Variants in ARHGAP15 observed in about 807,000 individuals in gnomAD.
ARHGAP15 encodes rho GTPase-activating protein 15.
ARHGAP15 carries 51 observed loss-of-function variants against 63.7 expected under a neutral mutation model. The observed-to-expected ratio is 0.80, with a 90% CI of 0.64 to 1.01. The LOEUF is 1.01. ARHGAP15 is among the 50% of genes least tolerant of loss of function. The pLI is 0.00. For synonymous variants in ARHGAP15, 191 were observed against 193.8 expected, an observed-to-expected ratio of 0.99 and a Z score of 0.12; for missense variants, 560 against 564.6, an observed-to-expected ratio of 0.99 and a Z score of 0.08.
At chr2:143,661,946 G>A (rs1681816836) in intron 12 of ARHGAP15, among the ~76,000 whole-genome samples, 1 of 152,238 alleles carries the variant, frequency 6.6e-6, no homozygotes, top group Non-Finnish European at 1.5e-5. Flanking sequence ...CTGATTGCTA[G>A]CACAGCAGTC....
At chr2:143,499,632 T>G (rs1375326487) in intron 9 of ARHGAP15, among the ~76,000 whole-genome samples, 1 of 152,158 alleles carries the variant, frequency 6.6e-6, no homozygotes, top group Non-Finnish European at 1.5e-5. Flanking sequence ...AGGGAACATT[T>G]AAAGTTAAGT....
At chr2:143,131,245 T>A (rs1424837587) in intron 1 of ARHGAP15, among the ~76,000 whole-genome samples, 1 of 152,208 alleles carries the variant, frequency 6.6e-6, no homozygotes, top group Non-Finnish European at 1.5e-5. Context: ...CAGAATTGTT[T>A]GTAAAGAGCA....
At chr2:143,660,013 T>A (rs1206766772) in intron 12 of ARHGAP15, among the ~76,000 whole-genome samples, 1 of 152,188 alleles carries the variant, frequency 6.6e-6, no homozygotes, top group Non-Finnish European at 1.5e-5. Flanking sequence ...TTGTTCCTAA[T>A]CTGTGGGTAG....
At chr2:143,433,702 A>G (rs1689484275) in intron 6 of ARHGAP15, among the ~76,000 whole-genome samples, 2 of 152,044 alleles carry the variant, frequency 1.3e-5, no homozygotes, top group Admixed American at 6.6e-5. Flanking sequence ...CTCATAATAT[A>G]GCAAATCTAA....
chr2:143,141,575 A>G (rs539094083), intron 1 of ARHGAP15, among the ~76,000 whole-genome samples: 72 of 152,192 alleles, frequency 4.7e-4, no homozygotes, highest in South Asian at 8.3e-4. Flanking sequence ...GAAAAGGGGA[A>G]CTTGCTTAGC....
chr2:143,165,993 A>AAGGAAG (rs1558787689), intron 2 of ARHGAP15, among the ~76,000 whole-genome samples: 191 of 115,688 alleles, frequency 1.7e-3, no homozygotes, highest in African/African-American at 5.6e-3. Context: ...AAAGAAAGAA[A>AAGGAAG]GAAAGAAAGA....
intron 9 of ARHGAP15, among the ~76,000 whole-genome samples, chr2:143,515,750 A>G (rs892880093): frequency 6.6e-6 from 1 of 152,216 alleles, no homozygotes; most frequent in African/African-American, 2.4e-5. Flanking sequence ...ACAAGAAAGA[A>G]GGTGGGAGAG....
chr2:143,349,749 TG>T (rs1685474316), intron 6 of ARHGAP15, among the ~76,000 whole-genome samples: 1 of 152,204 alleles, frequency 6.6e-6, no homozygotes, highest in African/African-American at 2.4e-5. Flanking sequence ...TGAATAAATC[TG>T]AAATCTAGCA....
intron 6 of ARHGAP15, among the ~76,000 whole-genome samples, chr2:143,354,510 GA>G (rs1490160364): frequency 6.6e-6 from 1 of 152,044 alleles, no homozygotes; most frequent in Admixed American, 6.6e-5. Flanking sequence ...TCCTCTGCTT[GA>G]AATTAAAGTG....
At chr2:143,340,237 C>T (rs567776435) in intron 6 of ARHGAP15, among the ~76,000 whole-genome samples, 4 of 152,126 alleles carry the variant, frequency 2.6e-5, no homozygotes, top group Non-Finnish European at 5.9e-5. Flanking sequence ...CCAAAGAGAA[C>T]CAAGACAGGT....
At chr2:143,600,614 C>T (rs1360182416) in intron 11 of ARHGAP15, among the ~76,000 whole-genome samples, 1 of 152,084 alleles carries the variant, frequency 6.6e-6, no homozygotes, top group Non-Finnish European at 1.5e-5. Context: ...TTTTGTATTG[C>T]TTTAAATTGT....
rs560605197 is a variant in ARHGAP15, at chr2:143,695,270, C to T, written c.1139-8149C>T. 7.9e-5 allele frequency among the ~76,000 whole-genome samples: 12 copies of T among 152,304 alleles called. No individual in the cohort carries two copies. In the South Asian group the frequency reaches 2.5e-3, roughly 32 times the overall value. On this transcript the variant is annotated intron_variant, in intron 12 of 13. Transcript: ENST00000295095. ...ACCCATGAGCTTTATTTTCTCAGCACAGACTATCGCCTAAGGATGAATTAG... is the reference window on the plus strand; with the variant it reads ...ACCCATGAGCTTTATTTTCTCAGCATAGACTATCGCCTAAGGATGAATTAG...
chr2:143,727,293 A>T (rs941420516), intron 13 of ARHGAP15, among the ~76,000 whole-genome samples: 1 of 152,228 alleles, frequency 6.6e-6, no homozygotes, highest in Admixed American at 6.5e-5. Flanking sequence ...CACACGAAAG[A>T]GTGTTGTATT....
intron 9 of ARHGAP15, among the ~76,000 whole-genome samples, chr2:143,510,624 A>G (rs781393657): frequency 6.6e-6 from 1 of 152,188 alleles, no homozygotes; most frequent in Non-Finnish European, 1.5e-5. Flanking sequence ...AACATCATTC[A>G]AATAAACTTT....
At chr2:143,371,618 A>G (rs544634347) in intron 6 of ARHGAP15, among the ~76,000 whole-genome samples, 2 of 152,268 alleles carry the variant, frequency 1.3e-5, no homozygotes, top group Non-Finnish European at 2.9e-5. Context: ...ACACTGAGCT[A>G]AGTGCTCCAA....
At chr2:143,302,417 C>G (rs1682946255) in intron 6 of ARHGAP15, among the ~76,000 whole-genome samples, 1 of 152,004 alleles carries the variant, frequency 6.6e-6, no homozygotes, top group African/African-American at 2.4e-5. Flanking sequence ...ACTTCTTGCT[C>G]TGACTAAAAA....
At chr2:143,703,119 A>C (rs908828814) in intron 12 of ARHGAP15, among the ~76,000 whole-genome samples, 1 of 152,246 alleles carries the variant, frequency 6.6e-6, no homozygotes. Context: ...TGTTAAGATT[A>C]TCTCACAGTA....
intron 2 of ARHGAP15, among the ~76,000 whole-genome samples, chr2:143,156,547 A>G (rs1459504649): frequency 6.6e-6 from 1 of 151,924 alleles, no homozygotes; most frequent in Non-Finnish European, 1.5e-5. Flanking sequence ...CCTATGAAAT[A>G]TTCAGCTTCC....
intron 11 of ARHGAP15, among the ~76,000 whole-genome samples, chr2:143,577,906 G>C (rs550710273): frequency 6.6e-6 from 1 of 152,144 alleles, no homozygotes; most frequent in East Asian, 1.9e-4. Flanking sequence ...CAACGAGTAA[G>C]TGAATTTTTA....
Sources: gnomAD v4.1 joint callset for allele counts (sites outside exome capture counted in the v4.1 genomes callset) on GRCh38, gnomAD v4.1.1 for gene constraint, MANE v1.5 for transcripts, NCBI Gene and HGNC (gene_info 2026-07-23, HGNC 2026-07-21) for gene names.